Variants in ARID3A observed in about 807,000 individuals in gnomAD.
ARID3A encodes AT-rich interactive domain-containing protein 3A.
Under a neutral mutation model 52.7 loss-of-function variants are expected in ARID3A, and 11 were observed. The observed-to-expected ratio is 0.21, with a 90% CI of 0.13 to 0.35. The LOEUF is 0.35. ARID3A is among the 10% of genes least tolerant of loss of function. ARID3A has a pLI of 1.00. For missense variants in ARID3A, 721 were observed against 838.5 expected (o/e 0.86, Z 1.73); for synonymous variants, 404 against 359.4 (o/e 1.12, Z -1.40).
intron 1 of ARID3A, among the ~76,000 whole-genome samples, chr19:926,471 G>A (rs866083683): frequency 2.0e-5 from 3 of 150,392 alleles, no homozygotes; most frequent in South Asian, 2.1e-4. Flanking sequence ...CCAGCGGAAG[G>A]AAATGGTCTC....
In ARID3A at chr19:929,858, A is replaced by G; in HGVS notation, c.330A>G (p.Gly110=). The G allele has an allele frequency of 6.5e-7, 1 of 1,544,308 alleles. No homozygotes were observed. Among genetic ancestry groups the G allele is most frequent in the Non-Finnish European group, 8.7e-7 (1 of 1,146,968 alleles). The stretch of plus-strand genomic sequence containing the variant: ...CCGGGCGAGGCAGAGAAGGGCCAGG[A>G]GAGGAGCACTTTGAGGACATGGCCT... ...GSPGRGREGP[G]EEHFEDMASD... Residue 110 remains glycine, a synonymous_variant, in exon 2 of 9, where the codon GGA becomes GGG. Transcript: ENST00000263620. This position sits in a 1 kb window ranked among gnomAD's most constrained non-coding sequence, Gnocchi z 6.2.
chr19:937,223 C>T (rs979958921), intron 3 of ARID3A, among the ~76,000 whole-genome samples: 2 of 152,214 alleles, frequency 1.3e-5, no homozygotes, highest in Admixed American at 1.3e-4. Flanking sequence ...GAGATCGCGC[C>T]ACTGCACTCC....
chr19:936,351 T>C (rs2037438889), intron 3 of ARID3A, among the ~76,000 whole-genome samples: 1 of 152,040 alleles, frequency 6.6e-6, no homozygotes, highest in Non-Finnish European at 1.5e-5. Context: ...CCAGGAGTTC[T>C]ACACCAGCCT....
Position 966,671 on chromosome 19 carries a change from C to A in ARID3A, c.1298C>A (p.Ala433Glu). Reference sequence around the variant, plus strand: ...GCCCAGGCAGCAGCTGTGCAAGCAGCAGCCGCCCAAGCAGCTGTGGCCGCA... The same window carrying A: ...GCCCAGGCAGCAGCTGTGCAAGCAGAAGCCGCCCAAGCAGCTGTGGCCGCA... ...VAAQAAAVQA[A>E]AAQAAVAAQA... The change falls in exon 7 of 9, where the codon GCA (alanine) becomes GAA (glutamate). Residue 433 changes from alanine (A) to glutamate (E), a missense_variant. By Grantham distance (107) the Ala-to-Glu change is moderately radical (BLOSUM62 -1). This residue lies in a region of ARID3A where 297 missense variants were observed against 343.2 expected (regional missense o/e 0.87). Coordinates refer to ENST00000263620, the MANE Select transcript of ARID3A (RefSeq NM_005224.3). The A allele has an allele frequency of 6.2e-7, 1 of 1,610,330 alleles. No individual in the cohort carries two copies. The highest frequency in any genetic ancestry group is 8.5e-7 in the Non-Finnish European group (1 of 1,177,988).
chr19:937,799 C>T (rs1426443187), intron 3 of ARID3A, among the ~76,000 whole-genome samples: 10 of 150,864 alleles, frequency 6.6e-5, no homozygotes, highest in African/African-American at 1.5e-4. Flanking sequence ...CTCCACCTCC[C>T]GGGTTCACGC....
intron 2 of ARID3A, among the ~76,000 whole-genome samples, chr19:931,551 G>A (rs1194356693): frequency 3.3e-5 from 5 of 152,034 alleles, no homozygotes; most frequent in African/African-American, 7.2e-5. Context: ...GGTGGCTCAC[G>A]CCTGTAATCC....
At chr19:935,139 C>T (rs1019333058) in intron 3 of ARID3A, among the ~76,000 whole-genome samples, 1 of 152,248 alleles carries the variant, frequency 6.6e-6, no homozygotes, top group South Asian at 2.1e-4. Flanking sequence ...CCGCTTGGCA[C>T]CGTCTCTGCC....
chr19:955,242 G>C (rs2037892832), intron 3 of ARID3A, among the ~76,000 whole-genome samples: 2 of 152,180 alleles, frequency 1.3e-5, no homozygotes, highest in Admixed American at 6.5e-5. Context: ...GCCTCGGCCA[G>C]CTGGCCAGGG....
At position 960,247 on chromosome 19, in the gene ARID3A, G is replaced by C. The variant is rs1213161118; in HGVS notation, c.766+83G>C. ...GGGCCCTACTGGCTCCAGGTATGTC[G>C]GGGCGGTGGTGAGCACCCCGTGGCT... is the stretch of plus-strand genomic sequence containing the variant. On this transcript the variant is annotated intron_variant, in intron 4 of 8. Transcript: ENST00000263620. The surrounding 1 kb of genome is among the most constrained non-coding windows in gnomAD (Gnocchi z 4.3). 2 of 1,342,318 alleles carry C rather than the reference G, an allele frequency of 1.5e-6. No homozygotes were observed. Among genetic ancestry groups the C allele is most frequent in the South Asian group, 1.4e-5 (1 of 72,562 alleles). 83.2% of individuals were successfully genotyped at this position (1,342,318 alleles called of 1,614,324 possible).
chr19:934,352 G>A (rs1468920738), intron 3 of ARID3A, among the ~76,000 whole-genome samples: 4 of 152,146 alleles, frequency 2.6e-5, no homozygotes, highest in African/African-American at 9.7e-5. Context: ...GCCCAGACCA[G>A]GCAGGGATGA....
At chr19:932,884 T>TGTGCTTCCC in intron 3 of ARID3A, 142 bp downstream of exon 3, 1 of 1,467,970 alleles carries the variant, frequency 6.8e-7, no homozygotes, top group South Asian at 1.3e-5. Flanking sequence ...CTGTGCTTCC[T>TGTGCTTCCC]GTGCTTCCCT....
At chr19:970,262 G>A (rs1053729956) in intron 8 of ARID3A, among the ~76,000 whole-genome samples, 1 of 151,806 alleles carries the variant, frequency 6.6e-6, no homozygotes. Flanking sequence ...GCAGTGAGCC[G>A]AGATCGCGCC....
chr19:967,462 G>T (rs2038183837), intron 7 of ARID3A, among the ~76,000 whole-genome samples: 1 of 152,048 alleles, frequency 6.6e-6, no homozygotes, highest in Admixed American at 6.5e-5. Flanking sequence ...GGGAGGCTGA[G>T]ATGGGAGGAT....
intron 3 of ARID3A, among the ~76,000 whole-genome samples, chr19:933,535 G>A (rs1261822886): frequency 6.6e-6 from 1 of 152,188 alleles, no homozygotes; most frequent in African/African-American, 2.4e-5. Context: ...CGGGGCTGGA[G>A]CTGGTCTGGG....
At chr19:953,163 C>A (rs550191960) in intron 3 of ARID3A, among the ~76,000 whole-genome samples, 1 of 152,110 alleles carries the variant, frequency 6.6e-6, no homozygotes, top group Admixed American at 6.5e-5. Flanking sequence ...CCGGGGAACC[C>A]CCTCCCCACT....
intron 3 of ARID3A, among the ~76,000 whole-genome samples, chr19:933,849 G>GGT (rs1555726120): frequency 6.7e-6 from 1 of 148,198 alleles, no homozygotes; most frequent in Admixed American, 6.7e-5. Context: ...GACTCGGTGG[G>GGT]GGGGGGGGGC....
rs928224318 is a variant in ARID3A at position 939,839 on chromosome 19, G to A, written c.693+7097G>A. Among the ~76,000 whole-genome samples, 6 of 152,204 alleles carry A rather than the reference G, an allele frequency of 3.9e-5. No homozygotes were observed. In the East Asian group the frequency reaches 7.7e-4, roughly 20 times the overall value. The stretch of plus-strand genomic sequence containing the variant: ...GCGTGAGAGTTGCTTGGAGCAGTGT[G>A]GGGAGGAGGTGGGGAGCTGGAATTG... On this transcript the variant is annotated intron_variant, in intron 3 of 8. Coordinates refer to ENST00000263620, the MANE Select transcript of ARID3A (RefSeq NM_005224.3).
chr19:962,671 C>T (rs560729061), intron 4 of ARID3A, among the ~76,000 whole-genome samples: 2 of 152,168 alleles, frequency 1.3e-5, no homozygotes, highest in Middle Eastern at 3.4e-3. Context: ...CCCGCCACCA[C>T]GCCCGGCTAA....
At chr19:951,846 AT>A (rs2037808669) in intron 3 of ARID3A, among the ~76,000 whole-genome samples, 1 of 152,142 alleles carries the variant, frequency 6.6e-6, no homozygotes, top group African/African-American at 2.4e-5. Flanking sequence ...CTTTTAGAAC[AT>A]TTCTCAGGCT....
Sources: gnomAD v4.1 joint callset for allele counts (sites outside exome capture counted in the v4.1 genomes callset) on GRCh38, gnomAD v4.1.1 for gene constraint, gnomAD v4.1.1 regional missense constraint, Gnocchi (gnomAD v3.1) non-coding constraint, MANE v1.5 for transcripts, NCBI Gene and HGNC (gene_info 2026-07-23, HGNC 2026-07-21) for gene names.